Variants in ASH1L observed in about 807,000 individuals in gnomAD.
ASH1L encodes the protein ASH1 like histone lysine methyltransferase.
Under a neutral mutation model 269.0 loss-of-function variants are expected in ASH1L, and 23 were observed. The observed-to-expected ratio is 0.09, with a 90% CI of 0.06 to 0.12. The LOEUF is 0.12. Among genes scored for constraint, ASH1L ranks in the 10% least tolerant of loss-of-function variants. The pLI, the probability that ASH1L is intolerant of heterozygous loss-of-function variation, is 1.00. For missense variants in ASH1L, 2,912 were observed against 3,567.8 expected (o/e 0.82, Z 4.68); for synonymous variants, 1,187 against 1,253.5 (o/e 0.95, Z 1.12).
In ASH1L at chr1:155,372,050, CTGGAG is replaced by C. The variant is rs537975684; in HGVS notation, c.6333-1072_6333-1068del. On this transcript the variant is annotated intron_variant, in intron 10 of 27. Coordinates refer to ENST00000392403, the MANE Select transcript of ASH1L (RefSeq NM_018489.3). ...ACGGAGTCTCACTCCATTGCCCAGG[CTGGAG>C]TGCAGTGGCATGATCTCAGCTCACT... 2.2e-4 allele frequency among the ~76,000 whole-genome samples: 34 copies of C among 152,294 alleles called. 1 individual carries two copies. The East Asian group carries it at 4.0e-3, about 18-fold the overall frequency.
Position 155,521,472 on chromosome 1 carries a change from T to G in ASH1L, c.48A>C (p.Glu16Asp), listed in dbSNP as rs1391197337. 2 of 1,614,018 alleles carry G rather than the reference T, an allele frequency of 1.2e-6. No homozygotes were observed. The highest frequency in any genetic ancestry group is 1.7e-6 in the Non-Finnish European group (2 of 1,180,012). ...TAMLGLGSDS[E>D]GFSRKSPSAI... Reference sequence around the variant, plus strand: ...CAGAAGGACTCTTTCTTGAAAAACCTTCGGAATCAGAACCCAATCCTAACA... The same window carrying G: ...CAGAAGGACTCTTTCTTGAAAAACCGTCGGAATCAGAACCCAATCCTAACA... The change falls in exon 2 of 28, where the codon GAA (glutamate) becomes GAC (aspartate). Residue 16 changes from glutamate to aspartate, a missense_variant. Glu to Asp is a conservative substitution (Grantham distance 45). Around this residue, in one of 13 missense-constraint regions of ASH1L, gnomAD observed 115 missense variants for 101.5 expected, o/e 1.13. Transcript: ENST00000392403.
At chr1:155,549,071 A>G (rs902046392) in intron 1 of ASH1L, among the ~76,000 whole-genome samples, 13 of 152,186 alleles carry the variant, frequency 8.5e-5, no homozygotes, top group Non-Finnish European at 1.9e-4. Context: ...GTATATTTAC[A>G]TAGCATTTAC....
intron 7 of ASH1L, among the ~76,000 whole-genome samples, chr1:155,390,540 C>A (rs1203199137): frequency 6.6e-6 from 1 of 150,668 alleles, no homozygotes; most frequent in African/African-American, 2.4e-5. Flanking sequence ...AACTATAGAA[C>A]AAAATTAATT....
chr1:155,487,380 CTTT>C (rs778614387), intron 2 of ASH1L, among the ~76,000 whole-genome samples: 2 of 151,844 alleles, frequency 1.3e-5, no homozygotes, highest in Admixed American at 6.6e-5. Context: ...TGTCATACTA[CTTT>C]TTTATTTTTT....
intron 5 of ASH1L, among the ~76,000 whole-genome samples, chr1:155,428,076 G>A (rs572482477): frequency 2.3e-4 from 35 of 152,206 alleles, no homozygotes; most frequent in African/African-American, 7.7e-4. Context: ...GACCATGAAC[G>A]AATTAAACCT....
Position 155,488,668 on chromosome 1 carries a change from CAAAAAAAAAAAA to C in ASH1L, c.421-6231_421-6220del, listed in dbSNP as rs371829476. 5.0e-3 allele frequency among the ~76,000 whole-genome samples: 146 copies of C among 29,200 alleles called. 1 individual carries two copies. The highest frequency in any genetic ancestry group is 0.015 in the African/African-American group (127 of 8,618). 19.2% of individuals were successfully genotyped at this position (29,200 alleles called of 152,430 possible). A position where few individuals can be genotyped will look rare whatever the true frequency, so the allele number is the denominator to read the frequency against. ...TGGGCAACAGAGCAAGACTCTGTCA[CAAAAAAAAAAAA>C]AAAAAAAAAAAAAAAAAGATTTTGA... On this transcript the variant is annotated intron_variant, in intron 2 of 27. Transcript: ENST00000392403.
Position 155,354,578 on chromosome 1 carries a change from GAATCTTCTCCCA to G in ASH1L, c.7096_7107del (p.Trp2366_Ile2369del). 6.2e-7 allele frequency: 1 copy of G among 1,613,696 alleles called. No individual in the cohort carries two copies. The highest frequency in any genetic ancestry group is 8.5e-7 in the Non-Finnish European group (1 of 1,179,932). ...TGCTTTACTTCCTCCTGTTTTTGACGAATCTTCTCCCAGTTTCGGACCAAGAATACATGATGC... is the reference window on the plus strand; with the variant it reads ...TGCTTTACTTCCTCCTGTTTTTGACGGTTTCGGACCAAGAATACATGATGC... On this transcript the variant is annotated inframe_deletion, in exon 16 of 28. Coordinates refer to ENST00000392403, the MANE Select transcript of ASH1L (RefSeq NM_018489.3).
chr1:155,525,986 T>G (rs1467625017), intron 1 of ASH1L, among the ~76,000 whole-genome samples: 1 of 152,218 alleles, frequency 6.6e-6, no homozygotes, highest in Non-Finnish European at 1.5e-5. Context: ...AACTGTACTT[T>G]AAAATTTTGT....
intron 2 of ASH1L, among the ~76,000 whole-genome samples, chr1:155,483,692 A>C (rs1415608062): frequency 1.3e-5 from 2 of 151,934 alleles, no homozygotes; most frequent in African/African-American, 4.8e-5. Context: ...CAAGGGTCCA[A>C]AATGCACCAC....
chr1:155,440,872 C>T (rs1438984110), intron 4 of ASH1L, among the ~76,000 whole-genome samples: 1 of 152,158 alleles, frequency 6.6e-6, no homozygotes, highest in East Asian at 1.9e-4. Context: ...GCTCCTCCAT[C>T]CAGATTCCCT....
chr1:155,556,800 G>C (rs1671626305), intron 1 of ASH1L, among the ~76,000 whole-genome samples: 1 of 152,088 alleles, frequency 6.6e-6, no homozygotes, highest in African/African-American at 2.4e-5. Flanking sequence ...TATAATTCCA[G>C]CAATTTGGGA....
chr1:155,539,443 A>T (rs992080513), intron 1 of ASH1L, among the ~76,000 whole-genome samples: 26 of 94,448 alleles, frequency 2.8e-4, no homozygotes, highest in African/African-American at 6.5e-4. Flanking sequence ...GTTTTATTTT[A>T]TATATATATA....
chr1:155,521,089 A>G lies in ASH1L; in HGVS notation c.420+11T>C. 1.3e-6 allele frequency: 2 copies of G among 1,580,230 alleles called. No individual in the cohort carries two copies. The highest frequency in any genetic ancestry group is 1.7e-6 in the Non-Finnish European group (2 of 1,166,840). On this transcript the variant is annotated intron_variant, in intron 2 of 27. Transcript: ENST00000392403. ...TGTCAATAACCACATATTGTTAGGA[A>G]TTCTACTTACTCGTTTTGAAGGACA... is the stretch of plus-strand genomic sequence containing the variant.
At chr1:155,521,718 CA>C (rs1012565735) in intron 1 of ASH1L, 100 bp from the exon 2 acceptor site, 47 of 442,278 alleles carry the variant, frequency 1.1e-4, no homozygotes, top group African/African-American at 3.9e-4. Flanking sequence ...AACAACTACC[CA>C]AAAAAAAATC....
chr1:155,549,560 G>A (rs1671056305), intron 1 of ASH1L, among the ~76,000 whole-genome samples: 1 of 151,546 alleles, frequency 6.6e-6, no homozygotes, highest in South Asian at 2.1e-4. Flanking sequence ...AGGAAGCGGA[G>A]GTTGCAGTGA....
chr1:155,533,030 T>C (rs1299725847), intron 1 of ASH1L, among the ~76,000 whole-genome samples: 2 of 150,916 alleles, frequency 1.3e-5, no homozygotes, highest in African/African-American at 4.9e-5. Context: ...GATACAGAAC[T>C]ACTCTGGAAG....
rs138021591 is a variant in ASH1L, at chr1:155,449,588, C to A, written c.5086+10209G>T. On this transcript the variant is annotated intron_variant, in intron 4 of 27. Coordinates refer to ENST00000392403, the MANE Select transcript of ASH1L (RefSeq NM_018489.3). ...AGGCTGCAGTGCAGTGGCACGATCT[C>A]GGCTCACTGCCAGCTCTGCCTCCCA... is the stretch of plus-strand genomic sequence containing the variant. Among the ~76,000 whole-genome samples, 150 of 150,688 alleles carry A rather than the reference C, an allele frequency of 1.0e-3. 3 individuals carry two copies. In the East Asian group the frequency reaches 0.027, roughly 27 times the overall value.
At chr1:155,368,257 A>G (rs886767391) in intron 12 of ASH1L, among the ~76,000 whole-genome samples, 3 of 152,088 alleles carry the variant, frequency 2.0e-5, no homozygotes, top group Non-Finnish European at 4.4e-5. Flanking sequence ...TCTACCTCCC[A>G]AAGTGCTGGG....
intron 7 of ASH1L, among the ~76,000 whole-genome samples, chr1:155,389,277 TG>T (rs1426140959): frequency 6.6e-6 from 1 of 151,640 alleles, no homozygotes; most frequent in African/African-American, 2.4e-5. Flanking sequence ...GGATTACAGG[TG>T]TGAGCCACCA....
Sources: allele counts gnomAD v4.1 joint callset (sites outside exome capture counted in the v4.1 genomes callset), GRCh38; gene constraint gnomAD v4.1.1; regional missense constraint gnomAD v4.1.1; transcripts MANE v1.5; gene names NCBI Gene and HGNC (gene_info 2026-07-23, HGNC 2026-07-21).